The following TRIM37 variants were observed in gnomAD, a reference collection of about 807,000 sequenced individuals.
The protein encoded by TRIM37 is E3 ubiquitin-protein ligase TRIM37.
TRIM37 carries 80 observed loss-of-function variants against 129.8 expected under a neutral mutation model. The ratio of observed to expected loss-of-function variants is 0.62; its 90% CI spans 0.51 to 0.74. The LOEUF is 0.74. Among genes scored for constraint, TRIM37 ranks in the 30% least tolerant of loss-of-function variants. The pLI, the probability that TRIM37 is intolerant of heterozygous loss-of-function variation, is 0.00. For missense variants in TRIM37, 1,054 were observed against 1,176.5 expected (o/e 0.90, Z 1.52); for synonymous variants, 389 against 387.1 (o/e 1.00, Z -0.06).
downstream of TRIM37, among the ~76,000 whole-genome samples, chr17:58,995,404 T>TA (rs1218900988): frequency 0.012 from 1,476 of 120,708 alleles, 18 homozygotes; most frequent in African/African-American, 0.027. Flanking sequence ...AAGAAATGCT[T>TA]AAAAAAAAAA....
chr17:58,970,369 G>A, the TRIM37 span, among the ~76,000 whole-genome samples: 1,322 of 152,196 alleles, frequency 8.7e-3, 23 homozygotes, highest in African/African-American at 0.029. Flanking sequence ...TCTAATTATC[G>A]TTCTGGGTAT....
In TRIM37 at chr17:59,047,057, G is replaced by C. The variant is rs1316306612; in HGVS notation, c.1667+626C>G. On this transcript the variant is annotated intron_variant, in intron 16 of 23. Coordinates refer to ENST00000262294, the MANE Select transcript of TRIM37 (RefSeq NM_015294.6). ...TAGTTCTAGCTGCTCGGGAGGCTGA[G>C]GCAGGAGAATGGCGTAATCCGGAAG... Among the ~76,000 whole-genome samples the C allele has an allele frequency of 7.2e-5, 11 of 151,936 alleles. No homozygotes were observed. The East Asian group carries it at 2.2e-3, about 30-fold the overall frequency.
At chr17:59,020,453 G>T (rs1206003201) in intron 19 of TRIM37, among the ~76,000 whole-genome samples, 1 of 151,398 alleles carries the variant, frequency 6.6e-6, no homozygotes, top group African/African-American at 2.4e-5. Flanking sequence ...ATATGCACAA[G>T]AAGTTTTAAA....
intron 1 of TRIM37, 112 bp downstream of exon 1, chr17:59,106,329 G>C: frequency 7.8e-7 from 1 of 1,285,208 alleles, no homozygotes; most frequent in Non-Finnish European, 1.1e-6. Context: ...CACAGCGGCA[G>C]GGGCGGGGTA....
intron 9 of TRIM37, among the ~76,000 whole-genome samples, chr17:59,070,449 A>C (rs1398221709): frequency 6.6e-6 from 1 of 152,204 alleles, no homozygotes; most frequent in East Asian, 1.9e-4. Flanking sequence ...TTGGAAAAAA[A>C]AATGATTTCT....
chr17:59,071,196 A>AG (rs2042329108), intron 8 of TRIM37, among the ~76,000 whole-genome samples: 1 of 151,326 alleles, frequency 6.6e-6, no homozygotes, highest in Non-Finnish European at 1.5e-5. Context: ...AGGATAAATG[A>AG]GGTTTTAAGC....
chr17:59,080,667 T>G (rs1310284726), intron 6 of TRIM37, among the ~76,000 whole-genome samples: 1 of 152,112 alleles, frequency 6.6e-6, no homozygotes, highest in Non-Finnish European at 1.5e-5. Context: ...GGTGGGCACC[T>G]GTAATCCCAG....
At chr17:58,987,038 C>A (rs1194462281) in intron 24 of TRIM37, among the ~76,000 whole-genome samples, 1 of 152,108 alleles carries the variant, frequency 6.6e-6, no homozygotes, top group Non-Finnish European at 1.5e-5. Context: ...AGGATGCTGC[C>A]CCAGTCACGC....
At chr17:59,081,937 C>CAAAAAAA (rs1157296161) in intron 5 of TRIM37, among the ~76,000 whole-genome samples, 3 of 48,864 alleles carry the variant, frequency 6.1e-5, no homozygotes, top group African/African-American at 8.5e-5. Flanking sequence ...TAATAAAAAC[C>CAAAAAAA]AAAAAAAAAA....
chr17:59,091,728 C>A (rs946769815), intron 2 of TRIM37, among the ~76,000 whole-genome samples: 1 of 144,978 alleles, frequency 6.9e-6, no homozygotes, highest in Non-Finnish European at 1.5e-5. Context: ...ATAAAAGTAA[C>A]AGGCAATCTA....
At chr17:58,979,449 C>T (rs144703131), downstream of TRIM37, among the ~76,000 whole-genome samples, 1 of 152,260 alleles carries the variant, frequency 6.6e-6, no homozygotes, top group East Asian at 1.9e-4. Flanking sequence ...AACCTTCCTT[C>T]GTGCTCGCAG....
Position 59,017,416 on chromosome 17 carries a change from T to C in TRIM37, c.2266A>G (p.Lys756Glu). The change falls in exon 20 of 24, where the codon AAG (lysine) becomes GAG (glutamate). Residue 756 changes from lysine to glutamate, a missense_variant. Transcript: ENST00000262294. ...GCTGGCTTGGGCGAATTACTCTTCT[T>C]ATTTGTGGCTGCAAAGACATTTAAG... Reference protein sequence around the residue: ...ANCYIRNSTNKKSNSPKPARS... With the variant: ...ANCYIRNSTNEKSNSPKPARS... The C allele has an allele frequency of 1.9e-6, 3 of 1,614,032 alleles. No homozygotes were observed. Among genetic ancestry groups the C allele is most frequent in the Non-Finnish European group, 2.5e-6 (3 of 1,179,920 alleles).
intron 17 of TRIM37, among the ~76,000 whole-genome samples, chr17:59,034,587 C>T (rs2038252290): frequency 6.6e-6 from 1 of 151,836 alleles, no homozygotes; most frequent in Non-Finnish European, 1.5e-5. Context: ...TTAGAACTCC[C>T]GACCTCAGGT....
chr17:59,075,235 T>A (rs2042702387), intron 8 of TRIM37, among the ~76,000 whole-genome samples: 1 of 151,760 alleles, frequency 6.6e-6, no homozygotes, highest in Non-Finnish European at 1.5e-5. Context: ...TTTGATCTCA[T>A]ACAGATAATC....
intron 13 of TRIM37, among the ~76,000 whole-genome samples, chr17:59,055,128 G>A (rs1035661968): frequency 3.3e-5 from 5 of 151,614 alleles, no homozygotes; most frequent in African/African-American, 1.2e-4. Context: ...CCTGAGGTCG[G>A]GAGTTAGAAA....
rs1568119438 is a variant in TRIM37, at chr17:59,056,850, CACAACATCAA to C, written c.1199+15_1199+24del. On this transcript the variant is annotated intron_variant, in intron 13 of 23. Transcript: ENST00000262294. ...GATATTATTTCCCCACAATAAAAAC[CACAACATCAA>C]ATTTTTCCTGTTACCTTAAAATCAC... is the stretch of plus-strand genomic sequence containing the variant. The C allele has an allele frequency of 1.3e-6, 2 of 1,542,398 alleles. No individual in the cohort carries two copies.
At chr17:59,071,397 T>C (rs146358837) in intron 8 of TRIM37, among the ~76,000 whole-genome samples, 3,425 of 151,160 alleles carry the variant, frequency 0.023, 50 homozygotes, top group Middle Eastern at 0.044. Context: ...GCGATTCTCC[T>C]GCCTCAGCCT....
intron 14 of TRIM37, among the ~76,000 whole-genome samples, chr17:59,050,230 G>A (rs929731858): frequency 2.2e-4 from 33 of 152,162 alleles, no homozygotes; most frequent in South Asian, 2.1e-4. Flanking sequence ...ACTTGTGGAA[G>A]AGAAACTAAG....
chr17:59,086,603 C>CA (rs2043776867), intron 4 of TRIM37, among the ~76,000 whole-genome samples: 1 of 152,036 alleles, frequency 6.6e-6, no homozygotes, highest in Non-Finnish European at 1.5e-5. Context: ...AAAATACTTA[C>CA]ATAAGTTTAT....
Sources: allele counts gnomAD v4.1 joint callset (sites outside exome capture counted in the v4.1 genomes callset), GRCh38; gene constraint gnomAD v4.1.1; transcripts MANE v1.5; gene names NCBI Gene and HGNC (gene_info 2026-07-23, HGNC 2026-07-21).